The following GOLGA1 variants were observed in gnomAD, a reference collection of about 807,000 sequenced individuals.
The protein encoded by GOLGA1 is golgin A1.
Under a neutral mutation model 119.7 loss-of-function variants are expected in GOLGA1, and 63 were observed. The ratio of observed to expected loss-of-function variants is 0.53; its 90% CI spans 0.43 to 0.65. The LOEUF is 0.65. GOLGA1 is among the 30% of genes least tolerant of loss of function. The probability of loss-of-function intolerance (pLI) is 0.00; values close to 1 mark genes in which losing one functional copy is unlikely to be tolerated. For synonymous variants in GOLGA1, 318 were observed against 333.4 expected (o/e 0.95, Z 0.50); for missense variants, 798 against 912.8 (o/e 0.87, Z 1.62).
rs768744895 is a variant in GOLGA1 at position 124,889,215 on chromosome 9, G to A, written c.1689C>T (p.Val563=). 4.0e-5 allele frequency: 64 copies of A among 1,613,138 alleles called. No homozygotes were observed. Among genetic ancestry groups the A allele is most frequent in the Admixed American group, 1.3e-4 (8 of 60,006 alleles). The stretch of plus-strand genomic sequence containing the variant: ...GCCTCAGCAGGTCCTCCTGCTCCGC[G>A]ACCACTGCAGCCTCCTCCGCCTTGA... ...RTLKAEEAAV[V]AEQEDLLRLR... The change falls in exon 18 of 23, where the codon GTC becomes GTT. Residue 563 remains valine (V), a synonymous_variant. Transcript: ENST00000373555.
Position 124,931,412 on chromosome 9 carries a change from G to A in GOLGA1, c.136-6C>T. 1.4e-6 allele frequency: 2 copies of A among 1,451,980 alleles called. No homozygotes were observed. Among genetic ancestry groups the A allele is most frequent in the South Asian group, 1.1e-5 (1 of 87,768 alleles). The allele number at this position is 1,451,980 out of a possible 1,614,324, so 89.9% of individuals were successfully genotyped here. On this transcript the variant is annotated splice_region_variant and splice_polypyrimidine_tract_variant and intron_variant, in intron 3 of 22. Transcript: ENST00000373555. ...GAGCTGCTTCCATCGGAAGCCTGTT[G>A]AGGTAGACACAAGGAAGGTCGTATT...
chr9:124,911,226 T>C (rs886351000), intron 11 of GOLGA1, among the ~76,000 whole-genome samples: 4 of 152,162 alleles, frequency 2.6e-5, no homozygotes, highest in Non-Finnish European at 4.4e-5. Context: ...ACTTCTAACA[T>C]AGACTAGGCT....
chr9:124,895,949 T>TCCAC lies in GOLGA1; in HGVS notation c.1407+2599_1407+2600insGTGG, dbSNP rs1588066128. 4.2e-5 allele frequency among the ~76,000 whole-genome samples: 6 copies of TCCAC among 143,622 alleles called. No individual in the cohort carries two copies. In the East Asian group the frequency reaches 1.1e-3, roughly 27 times the overall value. 94.2% of individuals were successfully genotyped at this position (143,622 alleles called of 152,430 possible). A position where few individuals can be genotyped will look rare whatever the true frequency, so the allele number is the denominator to read the frequency against. On this transcript the variant is annotated intron_variant, in intron 15 of 22. Transcript: ENST00000373555. ...GACCCTCCACAACAGAGACCCTCTA[T>TCCAC]AACAGAGAACCATCCACAACAGAGA...
At chr9:124,929,757 T>C (rs982806912) in intron 4 of GOLGA1, among the ~76,000 whole-genome samples, 12 of 152,170 alleles carry the variant, frequency 7.9e-5, no homozygotes, top group Non-Finnish European at 1.8e-4. Context: ...ATTGTCTTTA[T>C]AGTGATAGCA....
At position 124,929,209 on chromosome 9, in the gene GOLGA1, T is replaced by C. The variant is rs1465432807; in HGVS notation, c.301+7A>G. On this transcript the variant is annotated splice_region_variant and intron_variant, in intron 5 of 22. Coordinates refer to ENST00000373555, the MANE Select transcript of GOLGA1 (RefSeq NM_002077.4). ...AAGATTGAAAAAAGCAGGAAAAAAA[T>C]ACGTACAATCCTGGTGTTTTTCTAA... 1.3e-6 allele frequency: 2 copies of C among 1,551,348 alleles called. No homozygotes were observed. The highest frequency in any genetic ancestry group is 1.8e-6 in the Non-Finnish European group (2 of 1,123,034).
intron 12 of GOLGA1, among the ~76,000 whole-genome samples, chr9:124,903,611 T>C (rs929099538): frequency 2.7e-5 from 3 of 112,428 alleles, no homozygotes; most frequent in Non-Finnish European, 5.0e-5. Flanking sequence ...CTGGGCAACA[T>C]AGGGAGACCC....
intron 12 of GOLGA1, among the ~76,000 whole-genome samples, chr9:124,903,411 G>C (rs1456411490): frequency 2.0e-5 from 3 of 152,048 alleles, no homozygotes; most frequent in African/African-American, 7.2e-5. Flanking sequence ...CTGCGGGGTG[G>C]GGGTTGCAGT....
At chr9:124,942,509 C>T (rs1008561571), upstream of GOLGA1, 4 of 152,236 alleles carry the variant, frequency 2.6e-5, no homozygotes, top group Non-Finnish European at 5.9e-5. Context: ...GACAAACTAA[C>T]AAGAAGCATC....
intron 10 of GOLGA1, among the ~76,000 whole-genome samples, chr9:124,920,601 T>C (rs1231019326): frequency 6.6e-6 from 1 of 152,090 alleles, no homozygotes; most frequent in African/African-American, 2.4e-5. Context: ...TCAGCCACTA[T>C]TGTATTTTTC....
rs577482606 is a variant in GOLGA1, at chr9:124,902,732, G to A, written c.1066-2185C>T. 1.8e-4 allele frequency among the ~76,000 whole-genome samples: 27 copies of A among 152,040 alleles called. No individual in the cohort carries two copies. The East Asian group carries it at 4.3e-3, about 24-fold the overall frequency. On this transcript the variant is annotated intron_variant, in intron 12 of 22. Transcript: ENST00000373555. ...TCTCGATCTCCTGACCTTGTGATCC[G>A]CCCGCCTCAGCCTCCCAAAGTGCTG...
In GOLGA1 at chr9:124,893,503, C is replaced by T. The variant is rs569420862; in HGVS notation, c.1408-3025G>A. Reference sequence around the variant, plus strand: ...CTAGTCACCCAGGAGCACTAATAACCTGGGATCATTTTAATCCAAAATTAG... The same window carrying T: ...CTAGTCACCCAGGAGCACTAATAACTTGGGATCATTTTAATCCAAAATTAG... On this transcript the variant is annotated intron_variant, in intron 15 of 22. Coordinates refer to ENST00000373555, the MANE Select transcript of GOLGA1 (RefSeq NM_002077.4). 2.6e-5 allele frequency among the ~76,000 whole-genome samples: 4 copies of T among 152,190 alleles called. No individual in the cohort carries two copies. In the South Asian group the frequency reaches 8.3e-4, roughly 32 times the overall value.
At chr9:124,922,598 C>T (rs1178687652) in intron 8 of GOLGA1, among the ~76,000 whole-genome samples, 1 of 144,836 alleles carries the variant, frequency 6.9e-6, no homozygotes, top group Non-Finnish European at 1.5e-5. Flanking sequence ...AAAAAAAAAT[C>T]TAAGCTTGTC....
intron 15 of GOLGA1, among the ~76,000 whole-genome samples, chr9:124,898,218 C>T (rs1371732264): frequency 6.6e-6 from 1 of 152,228 alleles, no homozygotes; most frequent in Non-Finnish European, 1.5e-5. Flanking sequence ...GACTTTCAAG[C>T]AGCTGTTGAT....
chr9:124,880,422 C>A lies in GOLGA1; in HGVS notation c.*108G>T. ...TGTAAACAATGTTTAGACACTTGTA[C>A]AAAATACTGCAGTTACAGTGATTAA... On this transcript the variant is annotated 3_prime_UTR_variant, in exon 23 of 23. Transcript: ENST00000373555. The A allele has an allele frequency of 1.4e-6, 1 of 703,494 alleles. No homozygotes were observed. The highest frequency in any genetic ancestry group is 1.9e-5 in the Admixed American group (1 of 52,884). The allele number at this position is 703,494 out of a possible 1,614,324, so 43.6% of individuals were successfully genotyped here. A position where few individuals can be genotyped will look rare whatever the true frequency, so the allele number is the denominator to read the frequency against.
intron 12 of GOLGA1, among the ~76,000 whole-genome samples, chr9:124,904,634 C>A (rs900705432): frequency 8.5e-5 from 13 of 152,048 alleles, no homozygotes; most frequent in African/African-American, 2.9e-4. Flanking sequence ...CATGGTGAAA[C>A]CCCGTCTCCA....
At chr9:124,931,041 T>C (rs1830761659) in intron 4 of GOLGA1, among the ~76,000 whole-genome samples, 1 of 152,200 alleles carries the variant, frequency 6.6e-6, no homozygotes, top group African/African-American at 2.4e-5. Context: ...TGGAAGATGG[T>C]CAAATCTATT....
Position 124,897,802 on chromosome 9 carries a change from T to G in GOLGA1, c.1407+747A>C, listed in dbSNP as rs548035977. Among the ~76,000 whole-genome samples the G allele has an allele frequency of 6.6e-4, 101 of 152,330 alleles. 1 individual carries two copies. The highest frequency in any genetic ancestry group is 1.3e-3 in the Admixed American group (20 of 15,296). ...TACCTATGTCACTCATCAGATCTGA[T>G]TACTGGAAGCTTACTAGGTGCAGGC... On this transcript the variant is annotated intron_variant, in intron 15 of 22. Transcript: ENST00000373555.
intron 11 of GOLGA1, among the ~76,000 whole-genome samples, chr9:124,910,323 C>G (rs563152205): frequency 2.6e-5 from 4 of 152,188 alleles, no homozygotes; most frequent in East Asian, 1.9e-4. Flanking sequence ...CCTCGGCTAC[C>G]CAAAGTGCTG....
At chr9:124,939,550 C>CTTTTTTTTTTTTTTT (rs3051147) in intron 2 of GOLGA1, among the ~76,000 whole-genome samples, 1 of 81,858 alleles carries the variant, frequency 1.2e-5, no homozygotes, top group Non-Finnish European at 2.4e-5. Flanking sequence ...TTCTTTCTTT[C>CTTTTTTTTTTTTTTT]TTTTTTTTTT....
Sources: gnomAD v4.1 joint callset for allele counts (sites outside exome capture counted in the v4.1 genomes callset) on GRCh38, gnomAD v4.1.1 for gene constraint, MANE v1.5 for transcripts, NCBI Gene and HGNC (gene_info 2026-07-23, HGNC 2026-07-21) for gene names.